The following MAF variants were observed in gnomAD, a reference collection of about 807,000 sequenced individuals.
MAF encodes MAF bZIP transcription factor, also known as transcription factor Maf.
MAF carries 10 observed loss-of-function variants against 22.0 expected under a neutral mutation model. The observed-to-expected ratio is 0.45, with a 90% CI of 0.28 to 0.77. MAF has a LOEUF of 0.77. Among genes scored for constraint, MAF ranks in the 30% least tolerant of loss-of-function variants. The probability of loss-of-function intolerance (pLI) is 0.12; values close to 1 mark genes in which losing one functional copy is unlikely to be tolerated. For synonymous variants in MAF, 337 were observed against 255.8 expected (o/e 1.32, Z -3.03); for missense variants, 544 against 548.4 (o/e 0.99, Z 0.08).
downstream of MAF, among the ~76,000 whole-genome samples, chr16:79,584,227 G>T (rs1912702896): frequency 6.6e-6 from 1 of 152,118 alleles, no homozygotes; most frequent in South Asian, 2.1e-4. Flanking sequence ...ATTAGCCAGA[G>T]AGCAGAAAAG....
the MAF span, among the ~76,000 whole-genome samples, chr16:79,374,929 G>A: frequency 2.0e-5 from 3 of 152,070 alleles, no homozygotes; most frequent in Non-Finnish European, 2.9e-5. Flanking sequence ...AAAGGGCTGA[G>A]TTAGTTTTCA....
the MAF span, among the ~76,000 whole-genome samples, chr16:79,548,477 A>T: frequency 6.6e-6 from 1 of 152,036 alleles, no homozygotes; most frequent in African/African-American, 2.4e-5. Context: ...CACATTGGTT[A>T]GTTGGTCTTC....
At chr16:79,515,125 G>C in the MAF span, among the ~76,000 whole-genome samples, 670 of 152,320 alleles carry the variant, frequency 4.4e-3, 7 homozygotes, top group African/African-American at 0.016. Context: ...GATGACACAG[G>C]TAACATTATG....
chr16:79,365,667 C>T, the MAF span, among the ~76,000 whole-genome samples: 2 of 152,066 alleles, frequency 1.3e-5, no homozygotes, highest in African/African-American at 4.8e-5. Flanking sequence ...TGGCTGGGAG[C>T]TGGCTGAGCT....
chr16:79,262,611 G>C, the MAF span, among the ~76,000 whole-genome samples: 2 of 152,166 alleles, frequency 1.3e-5, no homozygotes, highest in Non-Finnish European at 2.9e-5. Flanking sequence ...ATGGAAATGA[G>C]AGAGGGGTGG....
chr16:79,469,746 G>A, the MAF span, among the ~76,000 whole-genome samples: 31 of 152,112 alleles, frequency 2.0e-4, no homozygotes, highest in African/African-American at 7.0e-4. Flanking sequence ...ACAGGTGCCC[G>A]CCACCTTGTC....
At chr16:79,400,868 C>T in the MAF span, among the ~76,000 whole-genome samples, 3 of 152,218 alleles carry the variant, frequency 2.0e-5, no homozygotes, top group African/African-American at 7.2e-5. Context: ...GGGGTATCTT[C>T]CGGGGAAGGA....
the MAF span, among the ~76,000 whole-genome samples, chr16:79,447,905 A>AG: frequency 1.2e-5 from 1 of 85,808 alleles, no homozygotes; most frequent in Non-Finnish European, 2.1e-5. Flanking sequence ...AAAAAAAAAA[A>AG]AAAAGAAAAG....
chr16:79,401,141 G>T, the MAF span, among the ~76,000 whole-genome samples: 1 of 152,152 alleles, frequency 6.6e-6, no homozygotes. Flanking sequence ...AGGGCGTGGC[G>T]CTGGGTCCTC....
chr16:79,579,040 C>T, the MAF span, among the ~76,000 whole-genome samples: 17 of 152,094 alleles, frequency 1.1e-4, no homozygotes, highest in African/African-American at 4.1e-4. Context: ...AAAATGCCAA[C>T]TGACAAGCAC....
At chr16:79,437,806 C>T in the MAF span, among the ~76,000 whole-genome samples, 21 of 152,218 alleles carry the variant, frequency 1.4e-4, no homozygotes, top group Admixed American at 1.4e-3. Context: ...TTCCTTTTCA[C>T]TCCCTCACAA....
At chr16:79,396,860 G>A in the MAF span, among the ~76,000 whole-genome samples, 5 of 152,212 alleles carry the variant, frequency 3.3e-5, no homozygotes, top group African/African-American at 4.8e-5. Flanking sequence ...CTGGCATAAA[G>A]TATTTAACAC....
the MAF span, among the ~76,000 whole-genome samples, chr16:79,475,537 C>CATCTG: frequency 1.3e-5 from 2 of 151,914 alleles, no homozygotes; most frequent in African/African-American, 4.8e-5. Flanking sequence ...TCTATCTATC[C>CATCTG]ATCTGTCTGT....
the MAF span, among the ~76,000 whole-genome samples, chr16:79,250,933 G>A: frequency 1.3e-5 from 2 of 152,128 alleles, no homozygotes; most frequent in South Asian, 4.1e-4. Context: ...GTATTTGTCT[G>A]TAATAATTCC....
the MAF span, among the ~76,000 whole-genome samples, chr16:79,311,851 G>T: frequency 1.8e-3 from 279 of 152,238 alleles, no homozygotes; most frequent in Admixed American, 4.4e-3. Context: ...CGGAGTGAAC[G>T]CATCCCTGAG....
At chr16:79,537,707 T>G in the MAF span, among the ~76,000 whole-genome samples, 1 of 152,194 alleles carries the variant, frequency 6.6e-6, no homozygotes, top group Non-Finnish European at 1.5e-5. Flanking sequence ...ATCCACCACC[T>G]TGAAATGTCA....
chr16:79,204,303 G>A, the MAF span: 4 of 151,990 alleles, frequency 2.6e-5, no homozygotes, highest in African/African-American at 7.3e-5. Flanking sequence ...TCTCAGGTCC[G>A]GTCAGTTCTA....
the MAF span, among the ~76,000 whole-genome samples, chr16:79,470,304 C>T: frequency 6.6e-5 from 10 of 152,166 alleles, no homozygotes; most frequent in Admixed American, 2.0e-4. Flanking sequence ...GACGCCCATC[C>T]GCCCTTTCCT....
At chr16:79,213,216 T>A in the MAF span, among the ~76,000 whole-genome samples, 1 of 152,166 alleles carries the variant, frequency 6.6e-6, no homozygotes, top group South Asian at 2.1e-4. Flanking sequence ...GGTGTCATTG[T>A]TCCCCCTCCT....
Sources: gnomAD v4.1 joint callset for allele counts (sites outside exome capture counted in the v4.1 genomes callset) on GRCh38, gnomAD v4.1.1 for gene constraint, MANE v1.5 for transcripts, NCBI Gene and HGNC (gene_info 2026-07-23, HGNC 2026-07-21) for gene names.